The following ARHGEF26 variants were observed in gnomAD, a reference collection of about 807,000 sequenced individuals.
ARHGEF26 encodes the protein Rho guanine nucleotide exchange factor 26.
Under a neutral mutation model 89.4 loss-of-function variants are expected in ARHGEF26, and 59 were observed. The observed-to-expected ratio is 0.66, with a 90% CI of 0.54 to 0.82. The LOEUF is 0.82. Ranked by LOEUF, ARHGEF26 falls within the 40% of genes least tolerant of loss-of-function variation. ARHGEF26 has a pLI of 0.00. For synonymous variants in ARHGEF26, 500 were observed against 428.4 expected (o/e 1.17, Z -2.06); for missense variants, 1,234 against 1,085.6 (o/e 1.14, Z -1.92).
chr3:154,203,423 A>T (rs565379196), intron 9 of ARHGEF26, among the ~76,000 whole-genome samples: 99 of 152,198 alleles, frequency 6.5e-4, no homozygotes, highest in African/African-American at 2.2e-3. Context: ...AGATCTTATC[A>T]TCTGCAAACA....
chr3:154,217,789 A>T (rs1715863988), intron 9 of ARHGEF26, 80 bp from the exon 10 acceptor site: 1 of 1,097,354 alleles, frequency 9.1e-7, no homozygotes. Context: ...AGTGGTAATT[A>T]TTTCCTGTGA....
At chr3:154,193,825 T>A (rs867462566) in intron 8 of ARHGEF26, among the ~76,000 whole-genome samples, 1 of 149,202 alleles carries the variant, frequency 6.7e-6, no homozygotes. Flanking sequence ...CTTTTTTTCC[T>A]TTGCTGGTTT....
chr3:154,243,626 A>G (rs1024131080), intron 12 of ARHGEF26, among the ~76,000 whole-genome samples: 1 of 152,192 alleles, frequency 6.6e-6, no homozygotes, highest in Non-Finnish European at 1.5e-5. Context: ...GGAAACCCAT[A>G]GGTCTGACTC....
intron 6 of ARHGEF26, among the ~76,000 whole-genome samples, chr3:154,185,425 T>C (rs115077947): frequency 0.011 from 1,615 of 152,214 alleles, 24 homozygotes; most frequent in African/African-American, 0.037. Flanking sequence ...TTTCAGGCCC[T>C]GATGATTTGC....
At chr3:154,204,905 G>T (rs1425523065) in intron 9 of ARHGEF26, among the ~76,000 whole-genome samples, 1 of 152,094 alleles carries the variant, frequency 6.6e-6, no homozygotes, top group Non-Finnish European at 1.5e-5. Flanking sequence ...CAGAATTTTT[G>T]AATATTTTAT....
chr3:154,247,724 A>G (rs1392717434), intron 12 of ARHGEF26, among the ~76,000 whole-genome samples: 1 of 152,196 alleles, frequency 6.6e-6, no homozygotes, highest in Admixed American at 6.5e-5. Flanking sequence ...GGTTTTTCCC[A>G]AATTTTACTT....
chr3:154,196,418 T>C (rs761617466), intron 9 of ARHGEF26, among the ~76,000 whole-genome samples: 35 of 152,278 alleles, frequency 2.3e-4, no homozygotes, highest in Middle Eastern at 3.4e-3. Context: ...GCTTCCTAAA[T>C]GTCTCCAGTT....
rs545686359 is a variant in ARHGEF26, at chr3:154,256,150, A to G, written c.*677A>G. On this transcript the variant is annotated 3_prime_UTR_variant, in exon 15 of 15. Transcript: ENST00000465093. ...CACCCCATATTGTTCTTAAATAAGT[A>G]TAGACTAATTAACCTAAGCTACCTT... 1 of 984,824 alleles carries G rather than the reference A, an allele frequency of 1.0e-6. No individual in the cohort carries two copies. Among genetic ancestry groups the G allele is most frequent in the African/African-American group, 1.7e-5 (1 of 57,344 alleles). 61.0% of individuals were successfully genotyped at this position (984,824 alleles called of 1,614,324 possible).
At chr3:154,171,231 G>C (rs1269642892) in intron 6 of ARHGEF26, among the ~76,000 whole-genome samples, 3 of 152,108 alleles carry the variant, frequency 2.0e-5, no homozygotes, top group Non-Finnish European at 4.4e-5. Flanking sequence ...TTAGGTTATA[G>C]GAAAATTGAG....
intron 9 of ARHGEF26, among the ~76,000 whole-genome samples, chr3:154,213,759 A>AC (rs562674094): frequency 3.9e-5 from 6 of 152,062 alleles, no homozygotes; most frequent in Non-Finnish European, 5.9e-5. Context: ...ATGTAGTGAG[A>AC]CCCCATCTCC....
intron 4 of ARHGEF26, among the ~76,000 whole-genome samples, chr3:154,130,203 G>C (rs2108048672): frequency 7.1e-6 from 1 of 140,128 alleles, no homozygotes; most frequent in Non-Finnish European, 1.5e-5. Flanking sequence ...CTGGAGTTCA[G>C]TGGCGTGATC....
At chr3:154,207,675 G>A (rs1715109586) in intron 9 of ARHGEF26, among the ~76,000 whole-genome samples, 1 of 152,168 alleles carries the variant, frequency 6.6e-6, no homozygotes, top group South Asian at 2.1e-4. Context: ...AACCATTATT[G>A]AAGACAGTGT....
At chr3:154,243,404 T>G (rs140176298) in intron 12 of ARHGEF26, among the ~76,000 whole-genome samples, 1 of 152,304 alleles carries the variant, frequency 6.6e-6, no homozygotes, top group Non-Finnish European at 1.5e-5. Flanking sequence ...CATTCATAAT[T>G]TATGTAGTCT....
intron 3 of ARHGEF26, among the ~76,000 whole-genome samples, 187 bp from the exon 4 acceptor site, chr3:154,129,387 G>A (rs1718536649): frequency 6.6e-6 from 1 of 152,162 alleles, no homozygotes; most frequent in African/African-American, 2.4e-5. Context: ...CCCTGCAGTT[G>A]AGTTTGAGAT....
intron 3 of ARHGEF26, among the ~76,000 whole-genome samples, chr3:154,128,307 G>C (rs533501711): frequency 6.6e-6 from 1 of 151,766 alleles, no homozygotes; most frequent in African/African-American, 2.4e-5. Context: ...GCATGATCTC[G>C]GCTCACTGCA....
intron 6 of ARHGEF26, among the ~76,000 whole-genome samples, chr3:154,180,350 G>A (rs1260539130): frequency 2.0e-5 from 3 of 152,088 alleles, no homozygotes; most frequent in East Asian, 2.0e-4. Flanking sequence ...TAAACATGGC[G>A]CCCTTTGTGT....
intron 4 of ARHGEF26, among the ~76,000 whole-genome samples, chr3:154,139,017 C>T (rs553978283): frequency 7.2e-4 from 110 of 152,272 alleles, no homozygotes; most frequent in African/African-American, 2.0e-3. Context: ...GGGCAAGGTG[C>T]GGTCAGTGGA....
chr3:154,127,185 A>C (rs1202856606), intron 3 of ARHGEF26, among the ~76,000 whole-genome samples: 1 of 152,186 alleles, frequency 6.6e-6, no homozygotes, highest in African/African-American at 2.4e-5. Flanking sequence ...TTTAAGCTAT[A>C]TTAAATTTTA....
intron 9 of ARHGEF26, among the ~76,000 whole-genome samples, chr3:154,213,654 G>T (rs1219466372): frequency 3.9e-5 from 6 of 152,062 alleles, no homozygotes; most frequent in Admixed American, 3.3e-4. Flanking sequence ...ATAGCTATTG[G>T]CCTGGTGTGC....
Sources: allele counts gnomAD v4.1 joint callset (sites outside exome capture counted in the v4.1 genomes callset), GRCh38; gene constraint gnomAD v4.1.1; transcripts MANE v1.5; gene names NCBI Gene and HGNC (gene_info 2026-07-23, HGNC 2026-07-21).